Variants in RAD51B observed in about 807,000 individuals in gnomAD.
RAD51B encodes the protein RAD51 paralog B.
Under a neutral mutation model 42.2 loss-of-function variants are expected in RAD51B, and 38 were observed. That is an observed-to-expected ratio of 0.90 (90% CI 0.70 to 1.18). The LOEUF is 1.18. RAD51B is among the 50% of genes most tolerant of loss of function. RAD51B has a pLI of 0.00. For missense variants in RAD51B, 373 were observed against 400.7 expected (o/e 0.93, Z 0.59); for synonymous variants, 154 against 145.2 (o/e 1.06, Z -0.43).
chr14:68,289,730 G>A (rs528250329), intron 7 of RAD51B, among the ~76,000 whole-genome samples: 72 of 151,356 alleles, frequency 4.8e-4, no homozygotes, highest in Non-Finnish European at 8.3e-4. Flanking sequence ...AAAAAAAAGA[G>A]CAATGAACAC....
chr14:67,903,010 C>T (rs1258606457), intron 7 of RAD51B, among the ~76,000 whole-genome samples: 1 of 151,974 alleles, frequency 6.6e-6, no homozygotes, highest in Non-Finnish European at 1.5e-5. Context: ...CCACCATGCC[C>T]TTTTTAACAG....
At chr14:68,515,278 G>A (rs1886050509) in intron 10 of RAD51B, among the ~76,000 whole-genome samples, 1 of 152,130 alleles carries the variant, frequency 6.6e-6, no homozygotes. Flanking sequence ...CTCAAGTTCA[G>A]AAGAAACAGA....
chr14:68,461,336 GAAAA>G (rs60250666), intron 9 of RAD51B, among the ~76,000 whole-genome samples: 21,560 of 126,516 alleles, frequency 0.17, 2,189 homozygotes, highest in Non-Finnish European at 0.25. Context: ...TCCATGCAGG[GAAAA>G]AAAAAAAAAA....
At position 68,594,378 on chromosome 14, in the gene RAD51B, A is replaced by ACT. The variant is rs967664974; in HGVS notation, c.1037-103_1037-102dup. The ACT allele has an allele frequency of 1.9e-5, 20 of 1,078,674 alleles. No individual in the cohort carries two copies. In the African/African-American group the frequency reaches 3.1e-4, roughly 17 times the overall value. 66.8% of individuals were successfully genotyped at this position (1,078,674 alleles called of 1,614,324 possible). On this transcript the variant is annotated intron_variant, in intron 10 of 10. Coordinates refer to the RAD51B transcript ENST00000487270. ...TACATTCCTATGCCATACCCCTTGAACTCTCCATCAGGTCTTCCTCAACCA... is the reference window on the plus strand; with the variant it reads ...TACATTCCTATGCCATACCCCTTGAACTCTCTCCATCAGGTCTTCCTCAACCA...
intron 10 of RAD51B, among the ~76,000 whole-genome samples, chr14:68,636,579 T>G: frequency 4.5e-5 from 1 of 22,360 alleles, no homozygotes; most frequent in Non-Finnish European, 7.8e-5. Context: ...TGAGACTCAG[T>G]CTCAAAAAAA....
intron 4 of RAD51B, among the ~76,000 whole-genome samples, chr14:67,837,700 A>G (rs1410196683): frequency 6.6e-6 from 1 of 152,206 alleles, no homozygotes; most frequent in African/African-American, 2.4e-5. Context: ...TATGGGGTAC[A>G]GTGTGATATT....
At chr14:68,257,840 CA>C (rs1379878551) in intron 7 of RAD51B, among the ~76,000 whole-genome samples, 1 of 152,034 alleles carries the variant, frequency 6.6e-6, no homozygotes, top group African/African-American at 2.4e-5. Context: ...TTATTTCTTC[CA>C]TAACCCATGC....
At chr14:68,591,638 C>T (rs554391156) in intron 10 of RAD51B, among the ~76,000 whole-genome samples, 7 of 151,894 alleles carry the variant, frequency 4.6e-5, no homozygotes, top group African/African-American at 9.7e-5. Flanking sequence ...TGGCCGGTGG[C>T]GTGGGGGAGT....
At chr14:68,594,880 AC>A (rs1890925351) in exon 11 of RAD51B, 1 of 1,109,312 alleles carries the variant, frequency 9.0e-7, no homozygotes, top group Non-Finnish European at 1.1e-6. Context: ...CATGCCCTCC[AC>A]CATGGAGTAC....
At chr14:68,568,424 T>C (rs1889530885) in intron 10 of RAD51B, among the ~76,000 whole-genome samples, 1 of 152,206 alleles carries the variant, frequency 6.6e-6, no homozygotes, top group African/African-American at 2.4e-5. Context: ...AGCCCAGTGG[T>C]TAAATTGCCT....
At chr14:68,651,645 T>C (rs1483562971) in intron 11 of RAD51B, among the ~76,000 whole-genome samples, 1 of 152,244 alleles carries the variant, frequency 6.6e-6, no homozygotes, top group Non-Finnish European at 1.5e-5. Flanking sequence ...CTGTGACTTA[T>C]ATGCTATTTG....
At chr14:68,595,162 C>G in exon 11 of RAD51B, 2 of 1,066,332 alleles carry the variant, frequency 1.9e-6, no homozygotes, top group Non-Finnish European at 2.3e-6. Flanking sequence ...CTCTTCCCTC[C>G]CAATTATCCA....
chr14:68,515,438 TTCTTC>T (rs1166037757), intron 10 of RAD51B, among the ~76,000 whole-genome samples: 16 of 117,454 alleles, frequency 1.4e-4, no homozygotes, highest in African/African-American at 3.7e-4. Flanking sequence ...TTTCTTCTTC[TTCTTC>T]TTTTTTTTTT....
intron 10 of RAD51B, among the ~76,000 whole-genome samples, chr14:68,576,883 A>G (rs1217162970): frequency 6.6e-6 from 1 of 152,160 alleles, no homozygotes; most frequent in Non-Finnish European, 1.5e-5. Flanking sequence ...CTGGTGTGCA[A>G]GTATTTCAAG....
chr14:68,605,390 C>G (rs1407205383), intron 10 of RAD51B, among the ~76,000 whole-genome samples: 1 of 152,352 alleles, frequency 6.6e-6, no homozygotes, highest in South Asian at 2.1e-4. Flanking sequence ...TGAGAGTACA[C>G]TCGAACAAAG....
intron 10 of RAD51B, among the ~76,000 whole-genome samples, chr14:68,546,188 C>G (rs17105829): frequency 0.23 from 34,563 of 152,090 alleles, 4,445 homozygotes; most frequent in Middle Eastern, 0.37. Context: ...CATGGAGGGA[C>G]ATCCAAGGTT....
chr14:68,459,010 C>G (rs1351382048), intron 9 of RAD51B, among the ~76,000 whole-genome samples: 3 of 152,198 alleles, frequency 2.0e-5, no homozygotes, highest in Admixed American at 6.5e-5. Context: ...AGTGATGAAG[C>G]AGATTCTAAT....
chr14:68,304,102 G>A (rs12886238), intron 8 of RAD51B, among the ~76,000 whole-genome samples: 82,341 of 151,520 alleles, frequency 0.54, 23,678 homozygotes, highest in South Asian at 0.67. Flanking sequence ...CCTGTGAGGC[G>A]GAGGTTGCAG....
chr14:68,037,131 A>T (rs1374482093), intron 7 of RAD51B, among the ~76,000 whole-genome samples: 1 of 1,556 alleles, frequency 6.4e-4, no homozygotes, highest in Non-Finnish European at 1.4e-3. Flanking sequence ...ACCCTCCCCT[A>T]CCCTACCCTC....
Sources: allele counts gnomAD v4.1 joint callset (sites outside exome capture counted in the v4.1 genomes callset), GRCh38; gene constraint gnomAD v4.1.1; transcripts MANE v1.5; gene names NCBI Gene and HGNC (gene_info 2026-07-23, HGNC 2026-07-21).